The following ELMO1 variants were observed in gnomAD, a reference collection of about 807,000 sequenced individuals.
ELMO1 encodes the protein engulfment and cell motility 1, also known as engulfment and cell motility protein 1.
Under a neutral mutation model 98.9 loss-of-function variants are expected in ELMO1, and 26 were observed. The ratio of observed to expected loss-of-function variants is 0.26; its 90% confidence interval spans 0.19 to 0.36. ELMO1 has a LOEUF of 0.36. Ranked by LOEUF, ELMO1 falls within the 10% of genes least tolerant of loss-of-function variation. ELMO1 has a pLI of 1.00. For synonymous variants in ELMO1, 346 were observed against 346.0 expected (o/e 1.00, Z 0.00); for missense variants, 627 against 935.2 (o/e 0.67, Z 4.30).
chr7:36,880,313 A>G (rs1158486515), intron 18 of ELMO1, among the ~76,000 whole-genome samples: 1 of 152,228 alleles, frequency 6.6e-6, no homozygotes, highest in African/African-American at 2.4e-5. Flanking sequence ...AGGGGTCAGC[A>G]GTGGGACTTG....
intron 1 of ELMO1, among the ~76,000 whole-genome samples, chr7:37,376,406 T>C (rs1359146330): frequency 1.3e-5 from 2 of 152,188 alleles, no homozygotes; most frequent in East Asian, 1.9e-4. Flanking sequence ...TCAGAAGTCA[T>C]GTTGCCAGAA....
At position 37,271,816 on chromosome 7, in the gene ELMO1, G is replaced by A; in HGVS notation, c.243+16C>T. ...GCAAAGAGTTTGCTGGAAGTCAGAAGCTAAGATCAACTTACTGGAGATGTG... is the reference window on the plus strand; with the variant it reads ...GCAAAGAGTTTGCTGGAAGTCAGAAACTAAGATCAACTTACTGGAGATGTG... On this transcript the variant is annotated intron_variant, in intron 5 of 21. Transcript: ENST00000310758. 1 of 1,613,040 alleles carries A rather than the reference G, an allele frequency of 6.2e-7. No individual in the cohort carries two copies. The highest frequency in any genetic ancestry group is 8.5e-7 in the Non-Finnish European group (1 of 1,179,478).
At chr7:37,200,244 A>ATTTTT (rs373030810) in intron 13 of ELMO1, among the ~76,000 whole-genome samples, 10 of 137,554 alleles carry the variant, frequency 7.3e-5, no homozygotes, top group African/African-American at 1.1e-4. Flanking sequence ...AAGCTAATTA[A>ATTTTT]TTTTTTTTTT....
chr7:37,177,501 A>T (rs1790559931), intron 13 of ELMO1, among the ~76,000 whole-genome samples: 1 of 152,236 alleles, frequency 6.6e-6, no homozygotes, highest in Non-Finnish European at 1.5e-5. Flanking sequence ...GAATAATTTG[A>T]ATTAAATCTT....
At chr7:36,972,259 C>A (rs545280389) in intron 16 of ELMO1, among the ~76,000 whole-genome samples, 1 of 152,310 alleles carries the variant, frequency 6.6e-6, no homozygotes, top group South Asian at 2.1e-4. Context: ...CTTAATTGCT[C>A]TTACGGGAAG....
chr7:37,066,588 C>T (rs1359793725), intron 15 of ELMO1, among the ~76,000 whole-genome samples: 1 of 152,050 alleles, frequency 6.6e-6, no homozygotes, highest in Non-Finnish European at 1.5e-5. Flanking sequence ...CGTAGGATGA[C>T]TATAGTTAAT....
intron 4 of ELMO1, among the ~76,000 whole-genome samples, chr7:37,289,804 C>A (rs1483920990): frequency 6.6e-6 from 1 of 151,532 alleles, no homozygotes; most frequent in Non-Finnish European, 1.5e-5. Flanking sequence ...AAATTAAAAT[C>A]TGAGGCTTTT....
intron 16 of ELMO1, among the ~76,000 whole-genome samples, chr7:36,930,570 G>A (rs1338621453): frequency 6.6e-6 from 1 of 152,146 alleles, no homozygotes; most frequent in Non-Finnish European, 1.5e-5. Flanking sequence ...CTGTATTCCA[G>A]GGGCATTGCT....
intron 1 of ELMO1, among the ~76,000 whole-genome samples, chr7:37,355,462 C>T (rs952218614): frequency 1.3e-5 from 2 of 152,286 alleles, no homozygotes; most frequent in East Asian, 1.9e-4. Context: ...GCATCATAAC[C>T]GAATTGGACA....
intron 16 of ELMO1, among the ~76,000 whole-genome samples, chr7:36,973,551 C>T (rs1790168285): frequency 6.6e-6 from 1 of 152,094 alleles, no homozygotes; most frequent in African/African-American, 2.4e-5. Context: ...ATGATCCTGT[C>T]TTCTAAGGCA....
intron 7 of ELMO1, among the ~76,000 whole-genome samples, chr7:37,237,624 G>T (rs765788762): frequency 2.0e-5 from 3 of 152,166 alleles, no homozygotes; most frequent in Non-Finnish European, 2.9e-5. Flanking sequence ...GAAAATAAAG[G>T]CCACTTTTAA....
chr7:37,323,909 C>T (rs1158774161), intron 2 of ELMO1, among the ~76,000 whole-genome samples: 1 of 152,146 alleles, frequency 6.6e-6, no homozygotes, highest in African/African-American at 2.4e-5. Context: ...TTCTTTCTTA[C>T]TAAACAATTC....
intron 13 of ELMO1, among the ~76,000 whole-genome samples, chr7:37,169,185 C>T (rs912727183): frequency 3.7e-4 from 56 of 152,210 alleles, no homozygotes; most frequent in African/African-American, 1.3e-3. Flanking sequence ...TTTTTTAAGC[C>T]TGTTGGAAAA....
Position 37,113,057 on chromosome 7 carries a change from C to T in ELMO1, c.1192-16330G>A, listed in dbSNP as rs1563009116. 2.6e-5 allele frequency among the ~76,000 whole-genome samples: 4 copies of T among 152,280 alleles called. No individual in the cohort carries two copies. The South Asian group carries it at 8.3e-4, about 32-fold the overall frequency. ...GGGGCAAGGCCATTTTGGGGCATAC[C>T]GATATAGTTTCTAATTTGGTTTTCA... On this transcript the variant is annotated intron_variant, in intron 14 of 21. Coordinates refer to ENST00000310758, the MANE Select transcript of ELMO1 (RefSeq NM_014800.11).
intron 15 of ELMO1, among the ~76,000 whole-genome samples, chr7:37,089,780 A>G (rs1783972756): frequency 6.6e-6 from 1 of 152,218 alleles, no homozygotes; most frequent in Non-Finnish European, 1.5e-5. Flanking sequence ...AAGAGACAGA[A>G]TTAAGGGTTT....
chr7:36,909,912 T>C (rs1784226289), intron 16 of ELMO1, among the ~76,000 whole-genome samples: 2 of 152,100 alleles, frequency 1.3e-5, no homozygotes, highest in Admixed American at 1.3e-4. Flanking sequence ...AATGAATGAA[T>C]GACCAAATGA....
intron 7 of ELMO1, among the ~76,000 whole-genome samples, chr7:37,237,022 G>A (rs1794503587): frequency 6.6e-6 from 1 of 152,110 alleles, no homozygotes; most frequent in Non-Finnish European, 1.5e-5. Flanking sequence ...AAACTGTTAG[G>A]CTAAAGATTG....
chr7:37,443,513 CCTAT>C (rs1335384903), intron 1 of ELMO1, among the ~76,000 whole-genome samples: 3 of 152,162 alleles, frequency 2.0e-5, no homozygotes, highest in Non-Finnish European at 4.4e-5. Context: ...CACACGTATT[CCTAT>C]CTGATACTTA....
chr7:37,216,646 G>A lies in ELMO1; in HGVS notation c.830C>T (p.Thr277Ile), dbSNP rs1793299884. ...AQKQLRSIIL[T>I]HVIRAQRAIN... ...AGGTCACAGCGCATAGGTACTCACT[G>A]TTAAAATGATGGAACGCAGTTGCTT... Residue 277 changes from threonine to isoleucine, a missense_variant and splice_region_variant, in exon 11 of 22, where the codon ACA (threonine) becomes ATA (isoleucine). Physicochemically the swap from Thr to Ile is moderately conservative, Grantham distance 89. Around this residue, in one of 3 missense-constraint regions of ELMO1, gnomAD observed 492 missense variants for 715.6 expected, o/e 0.69. Transcript: ENST00000310758. 1.9e-6 allele frequency: 3 copies of A among 1,614,152 alleles called. No homozygotes were observed. Among genetic ancestry groups the A allele is most frequent in the African/African-American group, 1.3e-5 (1 of 75,036 alleles).
Sources: gnomAD v4.1 joint callset for allele counts (sites outside exome capture counted in the v4.1 genomes callset) on GRCh38, gnomAD v4.1.1 for gene constraint, gnomAD v4.1.1 regional missense constraint, MANE v1.5 for transcripts, NCBI Gene and HGNC (gene_info 2026-07-23, HGNC 2026-07-21) for gene names.